SDK1: variants seen among roughly 807,000 people sequenced by gnomAD.
SDK1 encodes the protein sidekick cell adhesion molecule 1.
SDK1 carries 157 observed loss-of-function variants against 245.5 expected under a neutral mutation model. The ratio of observed to expected loss-of-function variants is 0.64; its 90% confidence interval spans 0.56 to 0.73. SDK1 has a LOEUF of 0.73. SDK1 is among the 30% of genes least tolerant of loss of function. SDK1 has a pLI of 0.00. For synonymous variants in SDK1, 1,647 were observed against 1,278.5 expected (o/e 1.29, Z -6.15); for missense variants, 3,583 against 3,002.3 (o/e 1.19, Z -4.52).
At chr7:3,397,156 T>C (rs1778735677) in intron 1 of SDK1, among the ~76,000 whole-genome samples, 1 of 151,948 alleles carries the variant, frequency 6.6e-6, no homozygotes, top group Non-Finnish European at 1.5e-5. Flanking sequence ...AAATTATGTA[T>C]TTATATGTTA....
Position 4,237,526 on chromosome 7 carries a change from A to T in SDK1, c.5993-121A>T, listed in dbSNP as rs569133770. 39 of 1,135,450 alleles carry T rather than the reference A, an allele frequency of 3.4e-5. No individual in the cohort carries two copies. The South Asian group carries it at 5.3e-4, about 16-fold the overall frequency. 70.3% of individuals were successfully genotyped at this position (1,135,450 alleles called of 1,614,324 possible). A position where few individuals can be genotyped will look rare whatever the true frequency, so the allele number is the denominator to read the frequency against. On this transcript the variant is annotated intron_variant, in intron 41 of 44. Coordinates refer to ENST00000404826, the MANE Select transcript of SDK1 (RefSeq NM_152744.4). Reference sequence around the variant, plus strand: ...ACCCGCCCGGCTGGACATTGGTTTCATCTCACCTGTAACTGGGAGTTATCT... The same window carrying T: ...ACCCGCCCGGCTGGACATTGGTTTCTTCTCACCTGTAACTGGGAGTTATCT...
At chr7:3,482,828 A>G (rs1488196129) in intron 1 of SDK1, among the ~76,000 whole-genome samples, 2 of 152,240 alleles carry the variant, frequency 1.3e-5, no homozygotes, top group Non-Finnish European at 2.9e-5. Flanking sequence ...GGCAACTCAC[A>G]GGACATAAAA....
chr7:3,455,299 T>G (rs149589905), intron 1 of SDK1, among the ~76,000 whole-genome samples: 24 of 152,192 alleles, frequency 1.6e-4, no homozygotes, highest in African/African-American at 5.5e-4. Context: ...ATAGATCTAA[T>G]CAATTTTTTC....
intron 17 of SDK1, among the ~76,000 whole-genome samples, chr7:4,047,313 T>G (rs1789092840): frequency 6.6e-6 from 1 of 152,264 alleles, no homozygotes; most frequent in African/African-American, 2.4e-5. Flanking sequence ...ATTCACATCT[T>G]GAGCCAGCCT....
intron 17 of SDK1, among the ~76,000 whole-genome samples, chr7:4,041,556 A>G (rs1037329489): frequency 6.6e-6 from 1 of 151,978 alleles, no homozygotes; most frequent in Non-Finnish European, 1.5e-5. Flanking sequence ...GTTATAGCCT[A>G]CAGAAGAGTT....
chr7:3,544,286 C>A (rs926427098), intron 1 of SDK1, among the ~76,000 whole-genome samples: 5 of 152,218 alleles, frequency 3.3e-5, no homozygotes, highest in African/African-American at 1.2e-4. Context: ...AGACATTTTC[C>A]CTTTGCAAGT....
At chr7:3,603,710 C>T (rs1194486100) in intron 1 of SDK1, among the ~76,000 whole-genome samples, 4 of 152,150 alleles carry the variant, frequency 2.6e-5, no homozygotes, top group Non-Finnish European at 5.9e-5. Flanking sequence ...CCAGAACTTC[C>T]AACACTATGT....
intron 1 of SDK1, among the ~76,000 whole-genome samples, chr7:3,347,513 A>C (rs1034175612): frequency 1.1e-4 from 17 of 152,190 alleles, no homozygotes; most frequent in African/African-American, 3.9e-4. Flanking sequence ...CATTGGGCTC[A>C]AATGTGCCGT....
intron 4 of SDK1, among the ~76,000 whole-genome samples, chr7:3,745,056 T>C (rs1394407960): frequency 6.6e-6 from 1 of 152,104 alleles, no homozygotes; most frequent in Non-Finnish European, 1.5e-5. Flanking sequence ...TTTAGTATTG[T>C]CTCAAATGAA....
rs947803328 is a variant in SDK1 at position 3,676,546 on chromosome 7, C to G, written c.713+34441C>G. Among the ~76,000 whole-genome samples, 3 of 152,014 alleles carry G rather than the reference C, an allele frequency of 2.0e-5. No homozygotes were observed. In the East Asian group the frequency reaches 5.8e-4, roughly 30 times the overall value. On this transcript the variant is annotated intron_variant, in intron 4 of 44. Coordinates refer to ENST00000404826, the MANE Select transcript of SDK1 (RefSeq NM_152744.4). ...TTCACCCTGTTAGCCGGGATGGTCT[C>G]AATCTCCTGACCTTGTGATCTGCCC...
rs75215468 is a variant in SDK1 at position 3,967,649 on chromosome 7, G to A, written c.1546+215G>A. Among the ~76,000 whole-genome samples, 5 of 152,344 alleles carry A rather than the reference G, an allele frequency of 3.3e-5. No homozygotes were observed. In the South Asian group the frequency reaches 8.3e-4, roughly 25 times the overall value. On this transcript the variant is annotated intron_variant, in intron 10 of 44. Coordinates refer to ENST00000404826, the MANE Select transcript of SDK1 (RefSeq NM_152744.4). ...CCATGGTCTCCAGTGGGGGCTGATGGTCTAAGGATGAAACTGTTCCATCTC... is the reference window on the plus strand; with the variant it reads ...CCATGGTCTCCAGTGGGGGCTGATGATCTAAGGATGAAACTGTTCCATCTC...
intron 17 of SDK1, among the ~76,000 whole-genome samples, chr7:4,025,630 TG>T (rs1277770228): frequency 6.6e-6 from 1 of 152,228 alleles, no homozygotes; most frequent in East Asian, 1.9e-4. Context: ...GTGTCTGATT[TG>T]TCTTTTTCAT....
Position 4,259,478 on chromosome 7 carries a change from C to G in SDK1, c.6382-5646C>G, listed in dbSNP as rs141295451. 4.3e-3 allele frequency among the ~76,000 whole-genome samples: 655 copies of G among 152,222 alleles called. 33 individuals carry two copies. The East Asian group carries it at 0.11, about 25-fold the overall frequency. On this transcript the variant is annotated intron_variant, in intron 44 of 44. Transcript: ENST00000404826. ...TCTTAAACAGCCACAAATACAGATC[C>G]CTGATCTCTTAGCTGAAACCCTTGA...
chr7:3,998,099 C>G lies in SDK1; in HGVS notation c.2131+10777C>G, dbSNP rs1356540613. The stretch of plus-strand genomic sequence containing the variant: ...GCCAAGAGCACAAGGAGGCTAGGAT[C>G]TGCAGCCACGACTTGGGCAGGGCTC... On this transcript the variant is annotated intron_variant, in intron 14 of 44. Transcript: ENST00000404826. Among the ~76,000 whole-genome samples the G allele has an allele frequency of 4.6e-5, 7 of 152,234 alleles. No homozygotes were observed. In the East Asian group the frequency reaches 1.4e-3, roughly 29 times the overall value.
At chr7:3,865,972 G>C (rs1433419994) in intron 5 of SDK1, among the ~76,000 whole-genome samples, 1 of 152,208 alleles carries the variant, frequency 6.6e-6, no homozygotes, top group Non-Finnish European at 1.5e-5. Context: ...AGCAGCAGCG[G>C]ACCTGCTGGT....
At chr7:3,357,796 C>G (rs1160434435) in intron 1 of SDK1, among the ~76,000 whole-genome samples, 2 of 152,138 alleles carry the variant, frequency 1.3e-5, no homozygotes, top group Non-Finnish European at 2.9e-5. Context: ...AAAAACCAAA[C>G]AGTAAACTCT....
At chr7:4,250,545 A>G (rs983987679) in intron 44 of SDK1, among the ~76,000 whole-genome samples, 1 of 152,152 alleles carries the variant, frequency 6.6e-6, no homozygotes, top group Non-Finnish European at 1.5e-5. Flanking sequence ...GGGTTTTGCC[A>G]TATTGGCCAG....
chr7:3,465,287 G>A (rs554103818), intron 1 of SDK1, among the ~76,000 whole-genome samples: 1 of 152,038 alleles, frequency 6.6e-6, no homozygotes, highest in Non-Finnish European at 1.5e-5. Flanking sequence ...TCGTCTAGAG[G>A]TCATCATAAT....
At chr7:3,398,410 T>C (rs577904838) in intron 1 of SDK1, among the ~76,000 whole-genome samples, 1 of 152,176 alleles carries the variant, frequency 6.6e-6, no homozygotes, top group South Asian at 2.1e-4. Flanking sequence ...CAGAAGAGTT[T>C]CTTAGCATTT....
Sources: gnomAD v4.1 joint callset for allele counts (sites outside exome capture counted in the v4.1 genomes callset) on GRCh38, gnomAD v4.1.1 for gene constraint, MANE v1.5 for transcripts, NCBI Gene and HGNC (gene_info 2026-07-23, HGNC 2026-07-21) for gene names.